DNAJC1: variants seen among roughly 807,000 people sequenced by gnomAD.
DNAJC1 encodes the protein DnaJ heat shock protein family (Hsp40) member C1, also known as dnaJ homolog subfamily C member 1.
DNAJC1 carries 58 observed loss-of-function variants against 76.6 expected under a neutral mutation model. That is an observed-to-expected ratio of 0.76 (90% CI 0.61 to 0.94). DNAJC1 has a LOEUF of 0.94. Ranked by LOEUF, DNAJC1 falls within the 40% of genes least tolerant of loss-of-function variation. The pLI, the probability that DNAJC1 is intolerant of heterozygous loss-of-function variation, is 0.00. For synonymous variants in DNAJC1, 258 were observed against 267.9 expected (o/e 0.96, Z 0.36); for missense variants, 689 against 677.3 (o/e 1.02, Z -0.19).
chr10:21,839,559 C>T (rs545467636), intron 8 of DNAJC1, among the ~76,000 whole-genome samples: 45 of 152,192 alleles, frequency 3.0e-4, no homozygotes, highest in African/African-American at 8.4e-4. Context: ...AGGAAGAAGT[C>T]GAATCTCTGA....
rs1462536201 is a variant in DNAJC1 at position 21,838,402 on chromosome 10, G to C, written c.979-32303C>G. 4.6e-5 allele frequency among the ~76,000 whole-genome samples: 7 copies of C among 152,228 alleles called. No individual in the cohort carries two copies. In the East Asian group the frequency reaches 1.4e-3, roughly 29 times the overall value. On this transcript the variant is annotated intron_variant, in intron 8 of 11. Transcript: ENST00000376980. ...TTAAGGGCGGTGCAAGATGTGCTTT[G>C]TTAAACAGATGCTTGAAGGCAGCAT... is the stretch of plus-strand genomic sequence containing the variant.
At chr10:21,766,360 T>G (rs1382408625) in intron 9 of DNAJC1, 51 bp from the exon 10 acceptor site, 1 of 1,408,212 alleles carries the variant, frequency 7.1e-7, no homozygotes, top group Non-Finnish European at 1.0e-6. Flanking sequence ...ACCTACTATA[T>G]GCTGAGTGAA....
chr10:21,781,772 A>ACTG (rs1834531862), intron 9 of DNAJC1, among the ~76,000 whole-genome samples: 1 of 152,028 alleles, frequency 6.6e-6, no homozygotes, highest in African/African-American at 2.4e-5. Context: ...CTACATGGAA[A>ACTG]CTGAACAACC....
At chr10:21,902,482 T>G (rs1184917028) in intron 7 of DNAJC1, among the ~76,000 whole-genome samples, 1 of 152,144 alleles carries the variant, frequency 6.6e-6, no homozygotes, top group African/African-American at 2.4e-5. Context: ...TTTTTGTATT[T>G]TTAATAGAGA....
chr10:21,954,046 T>G (rs1024175084), intron 1 of DNAJC1, among the ~76,000 whole-genome samples: 1 of 152,086 alleles, frequency 6.6e-6, no homozygotes, highest in Non-Finnish European at 1.5e-5. Flanking sequence ...TTTTTATATT[T>G]GCAAGGCATA....
chr10:21,813,883 A>C (rs1835031915), intron 8 of DNAJC1, among the ~76,000 whole-genome samples: 1 of 152,198 alleles, frequency 6.6e-6, no homozygotes, highest in Non-Finnish European at 1.5e-5. Context: ...GAACAAGCAG[A>C]AAAATGCTGA....
In DNAJC1 at chr10:21,988,694, A is replaced by C. The variant is rs374204151; in HGVS notation, c.222+14519T>G. ...CATTGTCCTATGTTTTCTTTTGTGA[A>C]TCTCTGAAGACTGATTATAAGAAAA... On this transcript the variant is annotated intron_variant, in intron 1 of 11. Coordinates refer to ENST00000376980, the MANE Select transcript of DNAJC1 (RefSeq NM_022365.4). Among the ~76,000 whole-genome samples, 476 of 152,216 alleles carry C rather than the reference A, an allele frequency of 3.1e-3. 3 individuals are homozygous for C. The highest frequency in any genetic ancestry group is 0.011 in the African/African-American group (457 of 41,554).
chr10:22,003,053 G>A (rs1245761937), intron 1 of DNAJC1, among the ~76,000 whole-genome samples, 160 bp downstream of exon 1: 1 of 152,110 alleles, frequency 6.6e-6, no homozygotes, highest in East Asian at 1.9e-4. Flanking sequence ...AGACGGACAC[G>A]TCCTTCCAAG....
chr10:21,804,050 G>A, intron 9 of DNAJC1: 1 of 694,984 alleles, frequency 1.4e-6, no homozygotes, highest in Non-Finnish European at 1.8e-6. Context: ...GCTTTTGACA[G>A]CACCAAGACT....
intron 1 of DNAJC1, among the ~76,000 whole-genome samples, chr10:21,971,946 C>G (rs1837986142): frequency 6.6e-6 from 1 of 151,800 alleles, no homozygotes; most frequent in African/African-American, 2.4e-5. Flanking sequence ...AAATTGGACT[C>G]TATAATTTAA....
intron 6 of DNAJC1, among the ~76,000 whole-genome samples, chr10:21,916,574 G>A (rs1836959842): frequency 6.6e-6 from 1 of 152,154 alleles, no homozygotes; most frequent in African/African-American, 2.4e-5. Flanking sequence ...GTTTAAGGTT[G>A]TACCTATCAT....
At chr10:21,889,882 AT>A (rs1836432736) in intron 7 of DNAJC1, among the ~76,000 whole-genome samples, 1 of 152,198 alleles carries the variant, frequency 6.6e-6, no homozygotes, top group Admixed American at 6.5e-5. Context: ...TGTTACCCCC[AT>A]CCCACCACCC....
chr10:21,983,660 G>A (rs1346654600), intron 1 of DNAJC1, among the ~76,000 whole-genome samples: 3 of 150,986 alleles, frequency 2.0e-5, no homozygotes, highest in Non-Finnish European at 4.4e-5. Context: ...GGCAGAGGCT[G>A]CAGTGAGCAG....
intron 9 of DNAJC1, among the ~76,000 whole-genome samples, chr10:21,766,727 T>C (rs1455541859): frequency 6.6e-6 from 1 of 152,084 alleles, no homozygotes; most frequent in African/African-American, 2.4e-5. Flanking sequence ...TCCTAGCACT[T>C]TGGGAGGCCA....
intron 1 of DNAJC1, among the ~76,000 whole-genome samples, chr10:21,970,599 C>T (rs1424617390): frequency 6.6e-6 from 1 of 151,740 alleles, no homozygotes; most frequent in Non-Finnish European, 1.5e-5. Context: ...CTTTGTAGAC[C>T]TTGACAAACT....
chr10:21,930,917 C>A (rs1837211150), intron 1 of DNAJC1, among the ~76,000 whole-genome samples: 1 of 152,020 alleles, frequency 6.6e-6, no homozygotes, highest in Non-Finnish European at 1.5e-5. Context: ...ATATTTCATA[C>A]AAAATAATAG....
chr10:21,858,315 T>A (rs1403373875), intron 8 of DNAJC1, among the ~76,000 whole-genome samples: 2 of 152,224 alleles, frequency 1.3e-5, no homozygotes, highest in Non-Finnish European at 2.9e-5. Flanking sequence ...GGATACTGCC[T>A]TCTCAAGAAT....
intron 8 of DNAJC1, among the ~76,000 whole-genome samples, chr10:21,842,663 T>A (rs1835592685): frequency 6.6e-6 from 1 of 152,158 alleles, no homozygotes; most frequent in South Asian, 2.1e-4. Flanking sequence ...TGAAATGAAA[T>A]GAGGCACAAA....
chr10:21,878,504 G>T (rs529837469), intron 8 of DNAJC1, among the ~76,000 whole-genome samples: 1 of 152,200 alleles, frequency 6.6e-6, no homozygotes, highest in South Asian at 2.1e-4. Flanking sequence ...AGTTGTGTAT[G>T]TTTTGATAAG....
Sources: allele counts gnomAD v4.1 joint callset (sites outside exome capture counted in the v4.1 genomes callset), GRCh38; gene constraint gnomAD v4.1.1; transcripts MANE v1.5; gene names NCBI Gene and HGNC (gene_info 2026-07-23, HGNC 2026-07-21).